The following GRID2 variants were observed in gnomAD, a reference collection of about 807,000 sequenced individuals.
GRID2 encodes the protein glutamate receptor ionotropic, delta-2.
Under a neutral mutation model 114.8 loss-of-function variants are expected in GRID2, and 33 were observed. The ratio of observed to expected loss-of-function variants is 0.29; its 90% CI spans 0.22 to 0.38. GRID2 has a LOEUF of 0.38. Among genes scored for constraint, GRID2 ranks in the 10% least tolerant of loss-of-function variants. The pLI is 1.00. For missense variants in GRID2, 1,184 were observed against 1,257.7 expected, an observed-to-expected ratio of 0.94 and a Z score of 0.89; for synonymous variants, 505 against 449.9, an observed-to-expected ratio of 1.12 and a Z score of -1.55.
chr4:92,875,367 T>C (rs1213184733), intron 2 of GRID2, among the ~76,000 whole-genome samples: 1 of 152,048 alleles, frequency 6.6e-6, no homozygotes, highest in East Asian at 1.9e-4. Flanking sequence ...GGTTTCATTA[T>C]GTTGGCCAGA....
intron 2 of GRID2, among the ~76,000 whole-genome samples, chr4:92,907,537 G>C (rs947062698): frequency 6.6e-6 from 1 of 151,816 alleles, no homozygotes; most frequent in African/African-American, 2.4e-5. Flanking sequence ...TCAGTCCCCC[G>C]AGTAGCTGGG....
chr4:92,371,279 G>T (rs1454075990), intron 1 of GRID2, among the ~76,000 whole-genome samples: 2 of 152,138 alleles, frequency 1.3e-5, no homozygotes, highest in Non-Finnish European at 2.9e-5. Context: ...CTAAACAAGA[G>T]ACTTTCCATG....
chr4:92,961,019 T>C (rs980870567), intron 2 of GRID2, among the ~76,000 whole-genome samples: 1 of 151,928 alleles, frequency 6.6e-6, no homozygotes, highest in East Asian at 1.9e-4. Flanking sequence ...GCTTCATAGG[T>C]AGTGCAGGTA....
At chr4:93,030,735 A>T (rs2149257235) in intron 2 of GRID2, among the ~76,000 whole-genome samples, 1 of 152,088 alleles carries the variant, frequency 6.6e-6, no homozygotes, top group Non-Finnish European at 1.5e-5. Flanking sequence ...GACCTCTTCA[A>T]ATGGAAGACA....
intron 14 of GRID2, among the ~76,000 whole-genome samples, chr4:93,767,760 A>C (rs1733786831): frequency 6.6e-6 from 1 of 152,202 alleles, no homozygotes; most frequent in Admixed American, 6.5e-5. Flanking sequence ...ACAGGTAAAA[A>C]GGTCACTACA....
rs115153088 is a variant in GRID2 at position 93,196,821 on chromosome 4, T to C, written c.736-10583T>C. On this transcript the variant is annotated intron_variant, in intron 4 of 15. Transcript: ENST00000282020. ...CTGGTGGCAATGGGAAGTTTCGTTG[T>C]GATGAAAGAACAGTAACAGATAACT... Among the ~76,000 whole-genome samples the C allele has an allele frequency of 1.5e-3, 233 of 152,238 alleles. 2 individuals are homozygous for C. Among genetic ancestry groups the C allele is most frequent in the African/African-American group, 5.2e-3 (216 of 41,554 alleles).
intron 2 of GRID2, among the ~76,000 whole-genome samples, chr4:92,784,460 G>T (rs1044789903): frequency 6.6e-6 from 1 of 151,492 alleles, no homozygotes; most frequent in Non-Finnish European, 1.5e-5. Context: ...TATCTAATAT[G>T]CATTGTATTT....
intron 1 of GRID2, among the ~76,000 whole-genome samples, chr4:92,528,820 T>TAAA (rs755194146): frequency 5.3e-5 from 5 of 94,126 alleles, no homozygotes; most frequent in Non-Finnish European, 8.6e-5. Flanking sequence ...GAACATCCTG[T>TAAA]AAAAAAAAAA....
At chr4:92,852,510 A>G (rs1323752450) in intron 2 of GRID2, among the ~76,000 whole-genome samples, 2 of 151,906 alleles carry the variant, frequency 1.3e-5, no homozygotes, top group Non-Finnish European at 1.5e-5. Context: ...ATTCACTTCA[A>G]TTGTCTTAAA....
At chr4:92,434,900 A>G (rs758994045) in intron 1 of GRID2, among the ~76,000 whole-genome samples, 13 of 152,166 alleles carry the variant, frequency 8.5e-5, no homozygotes, top group Non-Finnish European at 1.8e-4. Flanking sequence ...GAAAATTCGA[A>G]TATTTAAAAA....
intron 2 of GRID2, among the ~76,000 whole-genome samples, chr4:92,982,634 T>C (rs1754287522): frequency 6.6e-6 from 1 of 152,058 alleles, no homozygotes; most frequent in African/African-American, 2.4e-5. Context: ...AATAGTCTTC[T>C]GCCTCCTCTC....
At chr4:92,856,391 T>A (rs2149429578) in intron 2 of GRID2, among the ~76,000 whole-genome samples, 1 of 152,226 alleles carries the variant, frequency 6.6e-6, no homozygotes, top group African/African-American at 2.4e-5. Flanking sequence ...TAACAAGCAA[T>A]ATGCCTAAAT....
chr4:93,128,366 G>A (rs1299806896), intron 4 of GRID2, among the ~76,000 whole-genome samples: 1 of 151,984 alleles, frequency 6.6e-6, no homozygotes, highest in Admixed American at 6.6e-5. Flanking sequence ...AAAAGAGAGA[G>A]GAAGAAAGAA....
chr4:93,106,312 T>G (rs1200031726), intron 3 of GRID2, among the ~76,000 whole-genome samples: 1 of 152,202 alleles, frequency 6.6e-6, no homozygotes, highest in East Asian at 1.9e-4. Flanking sequence ...TGATGATGTT[T>G]GTGTTCATTG....
chr4:93,242,825 T>C (rs2149518708), intron 8 of GRID2, among the ~76,000 whole-genome samples: 1 of 152,134 alleles, frequency 6.6e-6, no homozygotes, highest in East Asian at 1.9e-4. Flanking sequence ...ACCAGTGTCA[T>C]TTAACGGAGT....
At chr4:93,405,348 T>A (rs1207637210) in intron 9 of GRID2, among the ~76,000 whole-genome samples, 1 of 152,136 alleles carries the variant, frequency 6.6e-6, no homozygotes, top group East Asian at 1.9e-4. Flanking sequence ...GCTTGACAAT[T>A]TCTTATTCTT....
intron 2 of GRID2, among the ~76,000 whole-genome samples, chr4:92,932,319 A>G (rs1289680063): frequency 1.3e-5 from 2 of 151,388 alleles, no homozygotes; most frequent in Non-Finnish European, 3.0e-5. Flanking sequence ...ACAAATGCAA[A>G]TTAAAACCAC....
chr4:93,799,430 T>G (rs1734873052), intron 1 of GRID2, among the ~76,000 whole-genome samples: 2 of 151,490 alleles, frequency 1.3e-5, no homozygotes, highest in Admixed American at 1.3e-4. Context: ...ACTACAGAAC[T>G]GCAGCCCCTT....
chr4:92,307,442 C>G (rs1725466686), intron 1 of GRID2, among the ~76,000 whole-genome samples: 3 of 152,094 alleles, frequency 2.0e-5, no homozygotes, highest in Admixed American at 6.6e-5. Flanking sequence ...TGAAAAGACA[C>G]TGCTCTAAGA....
Sources: allele counts gnomAD v4.1 joint callset (sites outside exome capture counted in the v4.1 genomes callset), GRCh38; gene constraint gnomAD v4.1.1; transcripts MANE v1.5; gene names NCBI Gene and HGNC (gene_info 2026-07-23, HGNC 2026-07-21).